Variants in ZNF672 observed in about 807,000 individuals in gnomAD.
ZNF672 encodes zinc finger protein 672.
For missense variants in ZNF672, 733 were observed against 701.1 expected (o/e 1.05, Z -0.51); for synonymous variants, 358 against 305.6 (o/e 1.17, Z -1.79).
At position 248,849,088 on chromosome 1, in the gene ZNF672, G is replaced by T. The variant is rs41304167; in HGVS notation, c.*455G>T. ...GTAATGGTCACAGATTTGGCTGTAGGCACGTTACCAGCCCTGTGGCTTCTT... is the reference window on the plus strand; with the variant it reads ...GTAATGGTCACAGATTTGGCTGTAGTCACGTTACCAGCCCTGTGGCTTCTT... On this transcript the variant is annotated 3_prime_UTR_variant, in exon 4 of 4. Coordinates refer to ENST00000306562, the MANE Select transcript of ZNF672 (RefSeq NM_024836.3). 4.2e-6 allele frequency: 2 copies of T among 476,926 alleles called. No homozygotes were observed. The highest frequency in any genetic ancestry group is 8.7e-6 in the Non-Finnish European group (2 of 230,912). 29.5% of individuals were successfully genotyped at this position (476,926 alleles called of 1,614,324 possible). A position where few individuals can be genotyped will look rare whatever the true frequency, so the allele number is the denominator to read the frequency against.
chr1:248,849,029 T>C lies in ZNF672; in HGVS notation c.*396T>C. ...TCTCATTCCAGCCCACATCTTCTCC[T>C]TTCCTGATTACTTTTGTTGTCCTGC... is the stretch of plus-strand genomic sequence containing the variant. On this transcript the variant is annotated 3_prime_UTR_variant, in exon 4 of 4. Coordinates refer to ENST00000306562, the MANE Select transcript of ZNF672 (RefSeq NM_024836.3). 1 of 504,464 alleles carries C rather than the reference T, an allele frequency of 2.0e-6. No homozygotes were observed. The highest frequency in any genetic ancestry group is 4.0e-6 in the Non-Finnish European group (1 of 249,356). 31.2% of individuals were successfully genotyped at this position (504,464 alleles called of 1,614,324 possible). A position where few individuals can be genotyped will look rare whatever the true frequency, so the allele number is the denominator to read the frequency against.
intron 1 of ZNF672, among the ~76,000 whole-genome samples, chr1:248,842,161 G>A (rs4578256): frequency 0.36 from 55,334 of 151,946 alleles, 16,720 homozygotes; most frequent in African/African-American, 0.82. Flanking sequence ...TAGGGCTGAA[G>A]TCTGTCCAGA....
In ZNF672 at chr1:248,849,255, G is replaced by A. The variant is rs1245638393; in HGVS notation, c.*622G>A. On this transcript the variant is annotated 3_prime_UTR_variant, in exon 4 of 4. Transcript: ENST00000306562. ...GTGGCCAGTCACGTGAAGGTGGGCA[G>A]GGCCCTTAGCATGGCCACACATGTC... The A allele has an allele frequency of 5.1e-6, 2 of 391,056 alleles. No individual in the cohort carries two copies. Among genetic ancestry groups the A allele is most frequent in the Admixed American group, 3.4e-5 (1 of 29,738 alleles). The allele number at this position is 391,056 out of a possible 1,614,324, so 24.2% of individuals were successfully genotyped here.
intron 1 of ZNF672, among the ~76,000 whole-genome samples, chr1:248,842,565 G>A (rs556576883): frequency 6.6e-6 from 1 of 152,200 alleles, no homozygotes; most frequent in East Asian, 1.9e-4. Context: ...AGAAAGGGTA[G>A]AGAGTCTTGA....
Position 248,847,304 on chromosome 1 carries a change from G to A in ZNF672, c.30G>A (p.Ala10=). Residue 10 remains alanine, a synonymous_variant, in exon 4 of 4, where the codon GCG becomes GCA. Transcript: ENST00000306562. ...TTGCCACATCTGGGGCAGTGGCAGC[G>A]GGGAAGCCTTACTCGTGCAGCGAAT... MFATSGAVA[A]GKPYSCSECG... 10 of 1,604,228 alleles carry A rather than the reference G, an allele frequency of 6.2e-6. No homozygotes were observed. The highest frequency in any genetic ancestry group is 1.3e-5 in the African/African-American group (1 of 74,874).
intron 1 of ZNF672, among the ~76,000 whole-genome samples, chr1:248,840,978 G>A (rs1175523566): frequency 1.3e-5 from 2 of 151,826 alleles, no homozygotes; most frequent in Non-Finnish European, 2.9e-5. Context: ...TGTAGTCATA[G>A]TATTTGTATG....
In ZNF672 at chr1:248,848,527, C is replaced by G. The variant is rs772318785; in HGVS notation, c.1253C>G (p.Thr418Arg). Reference sequence around the variant, plus strand: ...CTGTCACAGCATCAGCGGGCCCACACGCGCGCCCGCACCGCTGCCGCCGTT... The same window carrying G: ...CTGTCACAGCATCAGCGGGCCCACAGGCGCGCCCGCACCGCTGCCGCCGTT... ...RSLSQHQRAH[T>R]RARTAAAVAI... The change falls in exon 4 of 4, where the codon ACG becomes AGG. Residue 418 changes from threonine (T) to arginine (R), a missense_variant. Transcript: ENST00000306562. 6.3e-7 allele frequency: 1 copy of G among 1,598,414 alleles called. No individual in the cohort carries two copies. The highest frequency in any genetic ancestry group is 8.5e-7 in the Non-Finnish European group (1 of 1,172,238).
Position 248,848,841 on chromosome 1 carries a change from C to T in ZNF672, c.*208C>T, listed in dbSNP as rs1470931573. ...CTGTCGGCCCTTTTGCCATGCTGTC[C>T]TCGTATAACTCGGATTCTCTCCTCA... On this transcript the variant is annotated 3_prime_UTR_variant, in exon 4 of 4. Coordinates refer to ENST00000306562, the MANE Select transcript of ZNF672 (RefSeq NM_024836.3). 4 of 781,256 alleles carry T rather than the reference C, an allele frequency of 5.1e-6. No homozygotes were observed. The highest frequency in any genetic ancestry group is 2.0e-5 in the Admixed American group (1 of 49,952). 48.4% of individuals were successfully genotyped at this position (781,256 alleles called of 1,614,324 possible).
In ZNF672 at chr1:248,848,423, A is replaced by G. The variant is rs528830996; in HGVS notation, c.1149A>G (p.Ala383=). ...SKAFSVASKL[A]LHRKTHLGER... ...CCTTCAGCGTCGCCTCCAAGCTTGC[A>G]CTGCACCGCAAGACGCACCTGGGCG... The change falls in exon 4 of 4, where the codon GCA becomes GCG. Residue 383 remains alanine (A), a synonymous_variant. Coordinates refer to ENST00000306562, the MANE Select transcript of ZNF672 (RefSeq NM_024836.3). 2 of 1,606,706 alleles carry G rather than the reference A, an allele frequency of 1.2e-6. No individual in the cohort carries two copies. The highest frequency in any genetic ancestry group is 1.7e-6 in the Non-Finnish European group (2 of 1,179,676).
rs754621875 is a variant in ZNF672 at position 248,847,393 on chromosome 1, G to T, written c.119G>T (p.Gly40Val). ...CATGAACGAGCTCACGGCGGTGACG[G>T]CCGCTTCCGTTGCCTAGAATGCGGT... ...LRHERAHGGD[G>V]RFRCLECGER... is the part of the protein sequence containing the mutation. Residue 40 changes from glycine (G) to valine (V), a missense_variant, in exon 4 of 4, where the codon GGC becomes GTC. Physicochemically the swap from Gly to Val is moderately radical, Grantham distance 109. Transcript: ENST00000306562. The T allele has an allele frequency of 4.6e-5, 73 of 1,601,912 alleles. 2 individuals carry two copies. In the South Asian group the frequency reaches 5.7e-4, roughly 13 times the overall value.
At chr1:248,843,787 T>C (rs1664714477) in intron 1 of ZNF672, among the ~76,000 whole-genome samples, 1 of 152,216 alleles carries the variant, frequency 6.6e-6, no homozygotes, top group Non-Finnish European at 1.5e-5. Flanking sequence ...TAATACTAAG[T>C]CTTTGAAACG....
chr1:248,848,807 C>G lies in ZNF672; in HGVS notation c.*174C>G. 2 of 962,256 alleles carry G rather than the reference C, an allele frequency of 2.1e-6. No individual in the cohort carries two copies. The allele number at this position is 962,256 out of a possible 1,614,324, so 59.6% of individuals were successfully genotyped here. A position where few individuals can be genotyped will look rare whatever the true frequency, so the allele number is the denominator to read the frequency against. Reference sequence around the variant, plus strand: ...CGTAGCCTCCTGCCTCGCCTCTACACCTACTACCCTGTCGGCCCTTTTGCC... The same window carrying G: ...CGTAGCCTCCTGCCTCGCCTCTACAGCTACTACCCTGTCGGCCCTTTTGCC... On this transcript the variant is annotated 3_prime_UTR_variant, in exon 4 of 4. Transcript: ENST00000306562.
At chr1:248,840,226 T>C (rs1572195221) in intron 1 of ZNF672, among the ~76,000 whole-genome samples, 1 of 151,902 alleles carries the variant, frequency 6.6e-6, no homozygotes, top group Non-Finnish European at 1.5e-5. Context: ...AGTTAGCCAA[T>C]ACTACAGGCG....
Position 248,847,300 on chromosome 1 carries a change from C to T in ZNF672, c.26C>T (p.Ala9Val), listed in dbSNP as rs1038857219. 2.5e-6 allele frequency: 4 copies of T among 1,602,680 alleles called. No individual in the cohort carries two copies. In the African/African-American group the frequency reaches 5.4e-5, roughly 21 times the overall value. MFATSGAV[A>V]AGKPYSCSEC... ...ATGTTTGCCACATCTGGGGCAGTGG[C>T]AGCGGGGAAGCCTTACTCGTGCAGC... Residue 9 changes from alanine to valine, a missense_variant, in exon 4 of 4, where the codon GCA becomes GTA. Transcript: ENST00000306562.
At chr1:248,838,882 T>C (rs73152338) in intron 1 of ZNF672, 22,461 of 152,124 alleles carry the variant, frequency 0.15, 3,077 homozygotes, top group African/African-American at 0.35. Flanking sequence ...GCGTTAAACG[T>C]TCCCCACTAC....
At chr1:248,841,081 T>C (rs542032056) in intron 1 of ZNF672, among the ~76,000 whole-genome samples, 18 of 151,866 alleles carry the variant, frequency 1.2e-4, no homozygotes, top group Non-Finnish European at 1.9e-4. Context: ...ATGACTGTAG[T>C]CAGAGTACTT....
chr1:248,843,016 T>C (rs1664703242), intron 1 of ZNF672, among the ~76,000 whole-genome samples: 1 of 152,156 alleles, frequency 6.6e-6, no homozygotes, highest in Non-Finnish European at 1.5e-5. Flanking sequence ...CCTGTGAATT[T>C]CACAGCCAGG....
Position 248,847,774 on chromosome 1 carries a change from A to G in ZNF672, c.500A>G (p.Gln167Arg), listed in dbSNP as rs981946402. The G allele has an allele frequency of 7.2e-6, 11 of 1,522,516 alleles. No individual in the cohort carries two copies. In the East Asian group the frequency reaches 1.5e-4, roughly 20 times the overall value. The allele number at this position is 1,522,516 out of a possible 1,614,324, so 94.3% of individuals were successfully genotyped here. Reference protein sequence around the residue: ...DPAAPPHRCAQCPRAFRSGAG... With the variant: ...DPAAPPHRCARCPRAFRSGAG... ...GCTGCCCCACCCCACCGCTGCGCGC[A>G]GTGCCCGCGAGCCTTCCGAAGCGGC... is the stretch of plus-strand genomic sequence containing the variant. The change falls in exon 4 of 4, where the codon CAG (glutamine) becomes CGG (arginine). Residue 167 changes from glutamine to arginine, a missense_variant. Transcript: ENST00000306562.
chr1:248,847,914 C>G lies in ZNF672; in HGVS notation c.640C>G (p.Leu214Val), dbSNP rs1184651014. 2.5e-6 allele frequency: 4 copies of G among 1,583,760 alleles called. No homozygotes were observed. The highest frequency in any genetic ancestry group is 3.4e-6 in the Non-Finnish European group (4 of 1,166,568). ...CGKCFGKSST[L>V]TRHLQTHSGE... is the part of the protein sequence containing the mutation. ...CAAGTGCTTTGGCAAGAGCTCTACG[C>G]TGACGCGACACCTGCAGACGCACTC... The change falls in exon 4 of 4, where the codon CTG becomes GTG. Residue 214 changes from leucine to valine, a missense_variant. By Grantham distance (32) the Leu-to-Val change is conservative. Coordinates refer to ENST00000306562, the MANE Select transcript of ZNF672 (RefSeq NM_024836.3).
Sources: allele counts gnomAD v4.1 joint callset (sites outside exome capture counted in the v4.1 genomes callset), GRCh38; gene constraint gnomAD v4.1.1; transcripts MANE v1.5; gene names NCBI Gene and HGNC (gene_info 2026-07-23, HGNC 2026-07-21).